Variants in ATAD2B observed in about 807,000 individuals in gnomAD.
ATAD2B encodes the protein ATPase family AAA domain-containing protein 2B.
Under a neutral mutation model 167.6 loss-of-function variants are expected in ATAD2B, and 40 were observed. That is an observed-to-expected ratio of 0.24 (90% CI 0.19 to 0.31). The LOEUF is 0.31. ATAD2B is among the 10% of genes least tolerant of loss of function. ATAD2B has a pLI of 1.00. For synonymous variants in ATAD2B, 579 were observed against 596.5 expected (o/e 0.97, Z 0.43); for missense variants, 1,242 against 1,757.2 (o/e 0.71, Z 5.24).
chr2:23,722,543 A>C, the ATAD2B span, among the ~76,000 whole-genome samples: 1 of 152,170 alleles, frequency 6.6e-6, no homozygotes, highest in African/African-American at 2.4e-5. Context: ...AAAATAAATA[A>C]TAATAAAGAA....
chr2:23,910,633 C>T (rs1251449746), intron 1 of ATAD2B, among the ~76,000 whole-genome samples: 1 of 149,046 alleles, frequency 6.7e-6, no homozygotes, highest in East Asian at 2.0e-4. Context: ...TTTGGGAGGC[C>T]GAGGCAGGTG....
the ATAD2B span, chr2:23,695,728 C>T: frequency 3.2e-6 from 5 of 1,551,474 alleles, no homozygotes; most frequent in East Asian, 2.4e-5. The surrounding 1 kb of genome is among the most constrained non-coding windows in gnomAD (Gnocchi z 7.6). Context: ...AGAAGCCTGC[C>T]GGGACCTGGT....
At chr2:23,922,522 G>A (rs1704091050) in intron 1 of ATAD2B, among the ~76,000 whole-genome samples, 1 of 151,864 alleles carries the variant, frequency 6.6e-6, no homozygotes, top group Non-Finnish European at 1.5e-5. Flanking sequence ...AGGGCACAAA[G>A]GCAATCTACA....
At chr2:23,905,866 C>G (rs1701407649) in intron 1 of ATAD2B, among the ~76,000 whole-genome samples, 1 of 152,122 alleles carries the variant, frequency 6.6e-6, no homozygotes, top group African/African-American at 2.4e-5. Context: ...CCCTGCCTTT[C>G]ATGGAAGTTA....
At chr2:23,864,974 T>C (rs1304262750) in intron 10 of ATAD2B, 50 bp from the exon 11 acceptor site, 12 of 1,123,426 alleles carry the variant, frequency 1.1e-5, no homozygotes, top group Admixed American at 3.3e-5. Flanking sequence ...ATATGTTTTA[T>C]AGAATTTTTA....
At chr2:23,796,592 C>A (rs146134972) in intron 19 of ATAD2B, among the ~76,000 whole-genome samples, 3 of 152,082 alleles carry the variant, frequency 2.0e-5, no homozygotes, top group African/African-American at 7.2e-5. Context: ...CCAACTAGAA[C>A]CCTCATGTAT....
chr2:23,876,748 G>A (rs1696902801), intron 7 of ATAD2B, among the ~76,000 whole-genome samples: 1 of 152,094 alleles, frequency 6.6e-6, no homozygotes, highest in Admixed American at 6.6e-5. Flanking sequence ...TTGAGACTAT[G>A]AGATTTCTTA....
chr2:23,864,965 T>C, intron 10 of ATAD2B, 41 bp from the exon 11 acceptor site: 1 of 1,178,038 alleles, frequency 8.5e-7, no homozygotes, highest in Non-Finnish European at 1.2e-6. Flanking sequence ...AACAATTTTA[T>C]ATGTTTTATA....
the ATAD2B span, among the ~76,000 whole-genome samples, chr2:23,738,890 G>A: frequency 3.3e-5 from 5 of 151,950 alleles, no homozygotes; most frequent in Non-Finnish European, 5.9e-5. Flanking sequence ...AAAAGGCAGG[G>A]GTTGCAATCC....
intron 25 of ATAD2B, 129 bp from the exon 26 acceptor site, chr2:23,754,903 AT>A: frequency 2.9e-5 from 28 of 955,776 alleles, no homozygotes; most frequent in Non-Finnish European, 3.1e-5. Flanking sequence ...TTCTTAAGTG[AT>A]TTTTTTTAAA....
chr2:23,861,478 T>TAAAA (rs201161040), intron 12 of ATAD2B, among the ~76,000 whole-genome samples: 1 of 131,550 alleles, frequency 7.6e-6, no homozygotes. Context: ...AATCTTTCAT[T>TAAAA]AAAAAAAAAA....
chr2:23,844,470 AAACT>A (rs1208018436), intron 13 of ATAD2B, among the ~76,000 whole-genome samples: 4 of 151,930 alleles, frequency 2.6e-5, no homozygotes, highest in African/African-American at 9.7e-5. Context: ...CAATAAAATA[AAACT>A]AACCCAGAAA....
At chr2:23,679,901 C>A in the ATAD2B span, among the ~76,000 whole-genome samples, 2 of 151,862 alleles carry the variant, frequency 1.3e-5, no homozygotes, top group Non-Finnish European at 2.9e-5. Context: ...AAGATCCAGG[C>A]GGAGGGGACG....
chr2:23,805,795 T>TAAAAAAAAAACA, intron 18 of ATAD2B, among the ~76,000 whole-genome samples: 1 of 100,964 alleles, frequency 9.9e-6, no homozygotes, highest in Middle Eastern at 5.1e-3. Context: ...TATCAAGCTT[T>TAAAAAAAAAACA]AAAAAAAAAA....
intron 23 of ATAD2B, 125 bp from the exon 24 acceptor site, chr2:23,762,471 A>G: frequency 1.2e-6 from 1 of 852,894 alleles, no homozygotes; most frequent in Non-Finnish European, 1.7e-6. Flanking sequence ...GGCAGTTTGC[A>G]GTTCCAATGA....
intron 1 of ATAD2B, among the ~76,000 whole-genome samples, chr2:23,910,651 T>TGAGATCA (rs1702155847): frequency 6.6e-6 from 1 of 150,470 alleles, no homozygotes; most frequent in African/African-American, 2.4e-5. Context: ...GTGGATCACC[T>TGAGATCA]GAGGTCAGAA....
At chr2:23,712,027 C>T in the ATAD2B span, among the ~76,000 whole-genome samples, 1 of 152,198 alleles carries the variant, frequency 6.6e-6, no homozygotes, top group African/African-American at 2.4e-5. Context: ...CCCAAGTGCT[C>T]TCTGTACACT....
In ATAD2B at chr2:23,885,997, T is replaced by G. The variant is rs549138827; in HGVS notation, c.573-168A>C. Among the ~76,000 whole-genome samples the G allele has an allele frequency of 5.3e-5, 8 of 152,230 alleles. No homozygotes were observed. The South Asian group carries it at 1.5e-3, about 28-fold the overall frequency. On this transcript the variant is annotated intron_variant, in intron 4 of 27. Transcript: ENST00000238789. The stretch of plus-strand genomic sequence containing the variant: ...TGTCCCTCTGTCACCCAGGCTGGAG[T>G]GCAGTGGCCTGTTCATGGCTCACTG...
chr2:23,695,696 A>G, the ATAD2B span: 2 of 1,551,636 alleles, frequency 1.3e-6, no homozygotes, highest in Non-Finnish European at 8.7e-7. The surrounding 1 kb of genome is among the most constrained non-coding windows in gnomAD (Gnocchi z 7.6). Flanking sequence ...GTGGTTGACA[A>G]TGAAGAGCTG....
Sources: allele counts gnomAD v4.1 joint callset (sites outside exome capture counted in the v4.1 genomes callset), GRCh38; gene constraint gnomAD v4.1.1; non-coding constraint Gnocchi (gnomAD v3.1); transcripts MANE v1.5; gene names NCBI Gene and HGNC (gene_info 2026-07-23, HGNC 2026-07-21).